Variants in NEDD4L observed in about 807,000 individuals in gnomAD.
The protein encoded by NEDD4L is E3 ubiquitin-protein ligase NEDD4-like.
Under a neutral mutation model 148.9 loss-of-function variants are expected in NEDD4L, and 54 were observed. That is an observed-to-expected ratio of 0.36 (90% confidence interval 0.29 to 0.45). The LOEUF (loss-of-function observed/expected upper bound fraction) is 0.45. Among genes scored for constraint, NEDD4L ranks in the 20% least tolerant of loss-of-function variants. The pLI is 1.00. For missense variants in NEDD4L, 856 were observed against 1,233.8 expected (o/e 0.69, Z 4.59); for synonymous variants, 433 against 440.7 (o/e 0.98, Z 0.22).
At chr18:58,138,012 G>C (rs2033048825) in intron 1 of NEDD4L, among the ~76,000 whole-genome samples, 1 of 152,164 alleles carries the variant, frequency 6.6e-6, no homozygotes, top group Non-Finnish European at 1.5e-5. Flanking sequence ...CGTCCAGGTG[G>C]TCTGACCTGG....
In NEDD4L at chr18:58,398,265, G is replaced by T. The variant is rs1284880446; in HGVS notation, c.*1996G>T. The T allele has an allele frequency of 1.4e-5, 2 of 145,908 alleles. No individual in the cohort carries two copies. The highest frequency in any genetic ancestry group is 5.3e-5 in the African/African-American group (2 of 37,626). 9.0% of individuals were successfully genotyped at this position (145,908 alleles called of 1,614,324 possible). ...AGTTAACATGACAAATGTCTCAGTG[G>T]CAAAAATCCCCTTTTTGTAAGCCCC... On this transcript the variant is annotated 3_prime_UTR_variant, in exon 31 of 31. Transcript: ENST00000400345.
intron 5 of NEDD4L, among the ~76,000 whole-genome samples, chr18:58,253,444 C>T (rs1054208942): frequency 6.6e-5 from 10 of 152,190 alleles, no homozygotes; most frequent in Non-Finnish European, 1.3e-4. Context: ...AACAGTCGTA[C>T]AGTGTAACTA....
At chr18:58,367,523 G>A (rs1009466443) in intron 21 of NEDD4L, among the ~76,000 whole-genome samples, 3 of 152,162 alleles carry the variant, frequency 2.0e-5, no homozygotes, top group Admixed American at 2.0e-4. Flanking sequence ...AAACATCAGC[G>A]TCTCTTATGG....
intron 1 of NEDD4L, among the ~76,000 whole-genome samples, chr18:58,164,712 G>T (rs562456033): frequency 6.6e-6 from 1 of 152,090 alleles, no homozygotes; most frequent in African/African-American, 2.4e-5. Context: ...CTCGTGATCC[G>T]CCTGCCTCGG....
At chr18:58,154,583 C>T (rs1027160941) in intron 1 of NEDD4L, among the ~76,000 whole-genome samples, 4 of 152,046 alleles carry the variant, frequency 2.6e-5, no homozygotes, top group Non-Finnish European at 4.4e-5. Context: ...CTCAGGAGTT[C>T]GAGACCAGCC....
intron 16 of NEDD4L, among the ~76,000 whole-genome samples, chr18:58,343,970 T>C (rs534988311): frequency 6.6e-6 from 1 of 152,350 alleles, no homozygotes; most frequent in South Asian, 2.1e-4. Context: ...CTTCCGGTTA[T>C]GTCCCCATCG....
intron 1 of NEDD4L, among the ~76,000 whole-genome samples, chr18:58,102,265 T>A (rs904308703): frequency 6.6e-6 from 1 of 152,198 alleles, no homozygotes; most frequent in African/African-American, 2.4e-5. Flanking sequence ...TGGTGAGCTG[T>A]GGCTCACATG....
At chr18:58,281,982 G>A (rs968515816) in intron 5 of NEDD4L, among the ~76,000 whole-genome samples, 4 of 150,406 alleles carry the variant, frequency 2.7e-5, no homozygotes, top group African/African-American at 7.4e-5. Flanking sequence ...CCGAGATCGC[G>A]CCACTGCACT....
At chr18:58,127,642 A>C (rs2031360088) in intron 1 of NEDD4L, among the ~76,000 whole-genome samples, 2 of 152,068 alleles carry the variant, frequency 1.3e-5, no homozygotes, top group African/African-American at 4.8e-5. Flanking sequence ...GATTGAGACC[A>C]TCCTGGCCTA....
intron 2 of NEDD4L, among the ~76,000 whole-genome samples, chr18:58,229,763 G>C (rs898842086): frequency 6.6e-6 from 1 of 152,106 alleles, no homozygotes; most frequent in African/African-American, 2.4e-5. Flanking sequence ...AGGCCGAGGC[G>C]GGCGGATCGT....
At chr18:58,076,652 CAGCG>C in intron 1 of NEDD4L, among the ~76,000 whole-genome samples, 1 of 152,184 alleles carries the variant, frequency 6.6e-6, no homozygotes, top group Admixed American at 6.5e-5. Context: ...CTGTGTCTTT[CAGCG>C]GGCGGGCGGG....
chr18:58,135,198 A>C (rs2032701104), intron 1 of NEDD4L, among the ~76,000 whole-genome samples: 1 of 152,218 alleles, frequency 6.6e-6, no homozygotes, highest in Non-Finnish European at 1.5e-5. Flanking sequence ...TACACGATGA[A>C]TGGATAAATG....
chr18:58,162,920 T>G (rs543625927), intron 1 of NEDD4L, among the ~76,000 whole-genome samples: 1 of 151,970 alleles, frequency 6.6e-6, no homozygotes, highest in South Asian at 2.1e-4. Context: ...AAAAATTAGC[T>G]GGGCATGGTG....
At chr18:58,219,926 T>C (rs2043555808) in intron 2 of NEDD4L, among the ~76,000 whole-genome samples, 1 of 152,204 alleles carries the variant, frequency 6.6e-6, no homozygotes, top group African/African-American at 2.4e-5. Flanking sequence ...CATTTTCTTA[T>C]AGTGTATTGT....
At chr18:58,177,994 C>T (rs520348) in intron 2 of NEDD4L, among the ~76,000 whole-genome samples, 7,613 of 152,238 alleles carry the variant, frequency 0.05, 590 homozygotes, top group African/African-American at 0.17. Context: ...AAGCCAGATA[C>T]TAAGTAGTTG....
At chr18:58,195,770 C>T (rs759230577) in intron 2 of NEDD4L, 13 of 1,224,100 alleles carry the variant, frequency 1.1e-5, no homozygotes, top group Non-Finnish European at 1.3e-5. Flanking sequence ...CTTTATTACT[C>T]GATTAGTGCC....
intron 1 of NEDD4L, among the ~76,000 whole-genome samples, chr18:58,097,709 G>T (rs1192604485): frequency 6.6e-6 from 1 of 152,146 alleles, no homozygotes; most frequent in East Asian, 1.9e-4. Flanking sequence ...TGCCGGAGGG[G>T]ACTTAAAGGA....
intron 1 of NEDD4L, among the ~76,000 whole-genome samples, chr18:58,068,113 C>G (rs1376625205): frequency 6.6e-6 from 1 of 151,850 alleles, no homozygotes; most frequent in Non-Finnish European, 1.5e-5. Flanking sequence ...ACATGTGCCA[C>G]TACACCCAGT....
At chr18:58,107,537 G>A (rs899117913) in intron 1 of NEDD4L, among the ~76,000 whole-genome samples, 9 of 152,072 alleles carry the variant, frequency 5.9e-5, no homozygotes, top group Non-Finnish European at 7.4e-5. Flanking sequence ...GGGTAACATG[G>A]CAAAACCCTG....
Sources: allele counts gnomAD v4.1 joint callset (sites outside exome capture counted in the v4.1 genomes callset), GRCh38; gene constraint gnomAD v4.1.1; transcripts MANE v1.5; gene names NCBI Gene and HGNC (gene_info 2026-07-23, HGNC 2026-07-21).